The following ZNF114 variants were observed in gnomAD, a reference collection of about 807,000 sequenced individuals.
The protein encoded by ZNF114 is zinc finger protein 114 (Y18).
ZNF114 carries 8 observed loss-of-function variants against 6.8 expected under a neutral mutation model. The ratio of observed to expected loss-of-function variants is 1.18; its 90% CI spans 0.69 to 2.13. The LOEUF is 2.13. Ranked by LOEUF, ZNF114 falls within the 30% of genes most tolerant of loss-of-function variation. ZNF114 has a pLI of 0.00. For synonymous variants in ZNF114, 169 were observed against 185.5 expected (o/e 0.91, Z 0.72); for missense variants, 472 against 519.5 (o/e 0.91, Z 0.89).
At chr19:48,279,670 C>A in intron 3 of ZNF114, 61 bp from the exon 4 acceptor site, 2 of 1,157,822 alleles carry the variant, frequency 1.7e-6, no homozygotes, top group South Asian at 1.3e-5. Flanking sequence ...AGGCAGGATC[C>A]ACATACGAGT....
At chr19:48,281,894 CT>C (rs869238604) in intron 4 of ZNF114, among the ~76,000 whole-genome samples, 47 of 90,514 alleles carry the variant, frequency 5.2e-4, no homozygotes, top group East Asian at 1.8e-3. Flanking sequence ...ACAACCTCAT[CT>C]TTTTTTTTTT....
intron 3 of ZNF114, among the ~76,000 whole-genome samples, chr19:48,276,339 A>G (rs1327867328): frequency 1.3e-5 from 2 of 151,936 alleles, no homozygotes; most frequent in Non-Finnish European, 2.9e-5. Flanking sequence ...TCAGCCTCCC[A>G]GAATACTGGG....
chr19:48,284,581 C>A (rs1426794476), intron 5 of ZNF114, among the ~76,000 whole-genome samples: 2 of 152,140 alleles, frequency 1.3e-5, no homozygotes, highest in Non-Finnish European at 2.9e-5. Flanking sequence ...CAGGCACACG[C>A]CACCATGCCC....
chr19:48,270,641 GGAGA>G (rs1393036727), intron 1 of ZNF114, among the ~76,000 whole-genome samples: 1 of 128,478 alleles, frequency 7.8e-6, no homozygotes, highest in Non-Finnish European at 1.6e-5. Flanking sequence ...AAGGAGGAAG[GGAGA>G]GAGAGAAAGA....
chr19:48,276,757 CA>C (rs1967845971), intron 3 of ZNF114, among the ~76,000 whole-genome samples: 1 of 152,190 alleles, frequency 6.6e-6, no homozygotes, highest in African/African-American at 2.4e-5. Flanking sequence ...ATCCTGGGCT[CA>C]AGTGATCCTC....
At chr19:48,278,232 G>A (rs536858545) in intron 3 of ZNF114, among the ~76,000 whole-genome samples, 7 of 152,176 alleles carry the variant, frequency 4.6e-5, no homozygotes, top group South Asian at 4.1e-4. Flanking sequence ...CAACGCGCCC[G>A]GCCCAATTCA....
rs201969851 is a variant in ZNF114 at position 48,286,581 on chromosome 19, T to C, written c.957T>C (p.Leu319=). The part of the protein sequence containing the change: ...CGRAFFYQSF[L]MRHMKIHTGE... ...GAGCCTTTTTTTATCAGTCATTCCT[T>C]ATGAGACATATGAAAATTCACACTG... Residue 319 remains leucine, a synonymous_variant, in exon 6 of 6, where the codon CTT becomes CTC. Coordinates refer to ENST00000595607, the MANE Select transcript of ZNF114 (RefSeq NM_153608.4). 2.5e-6 allele frequency: 4 copies of C among 1,614,116 alleles called. No homozygotes were observed. The highest frequency in any genetic ancestry group is 8.5e-7 in the Non-Finnish European group (1 of 1,180,044).
At chr19:48,273,008 G>A (rs991213275) in intron 3 of ZNF114, among the ~76,000 whole-genome samples, 7 of 152,074 alleles carry the variant, frequency 4.6e-5, no homozygotes, top group African/African-American at 1.7e-4. Context: ...CGTTAGCCAG[G>A]ATGGTCTCGA....
intron 5 of ZNF114, among the ~76,000 whole-genome samples, chr19:48,285,022 G>A (rs1162455752): frequency 3.3e-5 from 5 of 152,048 alleles, no homozygotes; most frequent in South Asian, 2.1e-4. Context: ...ATTCCTGATC[G>A]TTTCCTTGAT....
At position 48,273,607 on chromosome 19, in the gene ZNF114, G is replaced by T. The variant is rs550505729; in HGVS notation, c.-70+1779G>T. Among the ~76,000 whole-genome samples, 64 of 151,974 alleles carry T rather than the reference G, an allele frequency of 4.2e-4. No individual in the cohort carries two copies. In the South Asian group the frequency reaches 0.013, roughly 31 times the overall value. ...GATGCGTGTAATGGGGTTATCATCA[G>T]GTGTGGCTGTTTCCTTGGGAACTAT... On this transcript the variant is annotated intron_variant, in intron 3 of 5. Transcript: ENST00000595607.
chr19:48,278,952 A>C (rs1294879868), intron 3 of ZNF114, among the ~76,000 whole-genome samples: 1 of 151,728 alleles, frequency 6.6e-6, no homozygotes, highest in East Asian at 1.9e-4. Context: ...CAAAAAAAAA[A>C]ATTGCAATTA....
chr19:48,274,620 C>G (rs1215355556), intron 3 of ZNF114, among the ~76,000 whole-genome samples: 1 of 151,598 alleles, frequency 6.6e-6, no homozygotes, highest in Non-Finnish European at 1.5e-5. Flanking sequence ...AATTCTCCTG[C>G]CTCAACCTCT....
chr19:48,274,653 T>A (rs1967777999), intron 3 of ZNF114, among the ~76,000 whole-genome samples: 1 of 151,836 alleles, frequency 6.6e-6, no homozygotes, highest in Non-Finnish European at 1.5e-5. Context: ...ATTACAGGCA[T>A]GTGCCACCAT....
chr19:48,277,618 C>T (rs1201713715), intron 3 of ZNF114, among the ~76,000 whole-genome samples: 1 of 152,174 alleles, frequency 6.6e-6, no homozygotes, highest in African/African-American at 2.4e-5. Context: ...ACGTTTCCAG[C>T]CGCTGTGCAT....
rs201362350 is a variant in ZNF114 at position 48,286,275 on chromosome 19, G to T, written c.651G>T (p.Gly217=). The T allele has an allele frequency of 6.2e-7, 1 of 1,614,134 alleles. No individual in the cohort carries two copies. Among genetic ancestry groups the T allele is most frequent in the Non-Finnish European group, 8.5e-7 (1 of 1,180,040 alleles). The part of the protein sequence containing the change: ...VHHIRDEIDT[G]ANRHQRNPFG... The stretch of plus-strand genomic sequence containing the variant: ...ATATACGTGATGAAATTGATACGGG[G>T]GCCAACAGGCACCAGCGGAATCCAT... Residue 217 remains glycine, a synonymous_variant, in exon 6 of 6, where the codon GGG becomes GGT. Coordinates refer to ENST00000595607, the MANE Select transcript of ZNF114 (RefSeq NM_153608.4).
Position 48,279,730 on chromosome 19 carries a change from G to A in ZNF114, c.-69-1G>A, listed in dbSNP as rs1399033561. The A allele has an allele frequency of 1.2e-6, 2 of 1,610,284 alleles. No individual in the cohort carries two copies. The highest frequency in any genetic ancestry group is 2.2e-5 in the East Asian group (1 of 44,836). The stretch of plus-strand genomic sequence containing the variant: ...TCTCATAGCTCCATTCTTCTCCCAA[G>A]CTCTGCCTCACCTGCCTCCTTGAAG... On this transcript the variant is annotated splice_acceptor_variant, in intron 3 of 5. Coordinates refer to ENST00000595607, the MANE Select transcript of ZNF114 (RefSeq NM_153608.4). LOFTEE classifies it low-confidence loss of function (5UTR_SPLICE).
At chr19:48,270,761 G>GAGAAAGAAAGAA (rs142099276) in intron 1 of ZNF114, among the ~76,000 whole-genome samples, 4 of 149,774 alleles carry the variant, frequency 2.7e-5, no homozygotes, top group African/African-American at 9.8e-5. Flanking sequence ...AGAGAAAAAA[G>GAGAAAGAAAGAA]AGAAAGAAAG....
At chr19:48,285,694 A>G (rs1968102867) in intron 5 of ZNF114, 67 bp from the exon 6 acceptor site, 1 of 1,505,230 alleles carries the variant, frequency 6.6e-7, no homozygotes, top group Admixed American at 2.3e-5. Context: ...GAGATTGCCT[A>G]TGTCATCATC....
In ZNF114 at chr19:48,272,673, C is replaced by CAAAAAAAAAAAAAAAAAAAAA. The variant is rs57823987; in HGVS notation, c.-70+850_-70+870dup. 6.4e-4 allele frequency among the ~76,000 whole-genome samples: 25 copies of CAAAAAAAAAAAAAAAAAAAAA among 39,226 alleles called. 1 individual carries two copies. Among genetic ancestry groups the CAAAAAAAAAAAAAAAAAAAAA allele is most frequent in the Non-Finnish European group, 9.2e-4 (22 of 23,874 alleles). 25.7% of individuals were successfully genotyped at this position (39,226 alleles called of 152,430 possible). ...TGGGCGACAGAGCAAGACTCTCTCT[C>CAAAAAAAAAAAAAAAAAAAAA]AAAAAAAAAAAAAAAAAAAAAAAAA... is the stretch of plus-strand genomic sequence containing the variant. On this transcript the variant is annotated intron_variant, in intron 3 of 5. Transcript: ENST00000595607.
Sources: gnomAD v4.1 joint callset for allele counts (sites outside exome capture counted in the v4.1 genomes callset) on GRCh38, gnomAD v4.1.1 for gene constraint, MANE v1.5 for transcripts, NCBI Gene and HGNC (gene_info 2026-07-23, HGNC 2026-07-21) for gene names.